The following RAD54B variants were observed in gnomAD, a reference collection of about 807,000 sequenced individuals.
The protein encoded by RAD54B is RAD54 homolog B.
Under a neutral mutation model 95.8 loss-of-function variants are expected in RAD54B, and 78 were observed. That is an observed-to-expected ratio of 0.81 (90% CI 0.68 to 0.98). RAD54B has a LOEUF of 0.98. RAD54B is among the 50% of genes least tolerant of loss of function. The pLI is 0.00. For missense variants in RAD54B, 957 were observed against 1,056.6 expected, an observed-to-expected ratio of 0.91 and a Z score of 1.31; for synonymous variants, 328 against 354.9, an observed-to-expected ratio of 0.92 and a Z score of 0.85.
At position 94,411,103 on chromosome 8, in the gene RAD54B, T is replaced by C. The variant is rs777821273; in HGVS notation, c.499+18A>G. ...TAATTTCAGGCCAAACTGTAAACATTAGGTAGTATCATAATACCTCTTCCA... is the reference window on the plus strand; with the variant it reads ...TAATTTCAGGCCAAACTGTAAACATCAGGTAGTATCATAATACCTCTTCCA... On this transcript the variant is annotated intron_variant, in intron 4 of 14. Coordinates refer to ENST00000336148, the MANE Select transcript of RAD54B (RefSeq NM_012415.3). 66 of 1,563,462 alleles carry C rather than the reference T, an allele frequency of 4.2e-5. No individual in the cohort carries two copies. The highest frequency in any genetic ancestry group is 5.5e-5 in the Non-Finnish European group (63 of 1,149,708).
intron 2 of RAD54B, among the ~76,000 whole-genome samples, chr8:94,467,203 T>C (rs558456725): frequency 8.5e-5 from 13 of 152,302 alleles, no homozygotes; most frequent in African/African-American, 3.1e-4. Context: ...GCTGGGATTA[T>C]AGGCATGAGC....
Position 94,411,240 on chromosome 8 carries a change from C to A in RAD54B, c.380G>T (p.Ser127Ile), listed in dbSNP as rs944063317. The change falls in exon 4 of 15, where the codon AGT becomes ATT. Residue 127 changes from serine (S) to isoleucine (I), a missense_variant. Coordinates refer to ENST00000336148, the MANE Select transcript of RAD54B (RefSeq NM_012415.3). ...CTTTGAAGGCTTACACCAAACAACA[C>A]TGAAATATTTAACTAGGCTATCAGA... ...EKSDSLVKYF[S>I]VVWCKPSKKK... 34 of 1,611,788 alleles carry A rather than the reference C, an allele frequency of 2.1e-5. No homozygotes were observed. The highest frequency in any genetic ancestry group is 2.8e-5 in the Non-Finnish European group (33 of 1,179,114).
At chr8:94,465,152 G>A (rs1812994195) in intron 2 of RAD54B, among the ~76,000 whole-genome samples, 1 of 152,048 alleles carries the variant, frequency 6.6e-6, no homozygotes, top group Admixed American at 6.5e-5. Flanking sequence ...AGGAAAGAAA[G>A]AAAGAAACCT....
chr8:94,390,556 AAGATTATATATATAT>A (rs1029666967), intron 10 of RAD54B, among the ~76,000 whole-genome samples: 3 of 148,306 alleles, frequency 2.0e-5, no homozygotes, highest in Admixed American at 6.8e-5. Flanking sequence ...TCTCCAGAAT[AAGATTATATATATAT>A]AGATTATATA....
chr8:94,424,496 T>C (rs193276113), intron 3 of RAD54B, among the ~76,000 whole-genome samples: 32 of 152,260 alleles, frequency 2.1e-4, no homozygotes, highest in Admixed American at 7.8e-4. Context: ...CAGCATGGAA[T>C]AGAGAGGGTG....
chr8:94,379,350 A>T (rs1168561955), intron 12 of RAD54B, among the ~76,000 whole-genome samples: 2 of 152,150 alleles, frequency 1.3e-5, no homozygotes, highest in Admixed American at 1.3e-4. Flanking sequence ...AAAATTCTGG[A>T]CACCAAGACG....
intron 9 of RAD54B, among the ~76,000 whole-genome samples, chr8:94,392,260 T>G (rs1366907192): frequency 6.6e-6 from 1 of 152,198 alleles, no homozygotes; most frequent in Non-Finnish European, 1.5e-5. Context: ...GTTTGCTTCT[T>G]TTTTGTTGTT....
chr8:94,436,715 T>C (rs1812274048), intron 3 of RAD54B: 5 of 1,550,734 alleles, frequency 3.2e-6, no homozygotes, highest in Non-Finnish European at 4.4e-6. Context: ...GCATTATAGT[T>C]AACTGCTATG....
At chr8:94,416,479 C>A (rs1250323904) in intron 3 of RAD54B, among the ~76,000 whole-genome samples, 1 of 150,496 alleles carries the variant, frequency 6.6e-6, no homozygotes, top group African/African-American at 2.5e-5. Flanking sequence ...AACTAACCTG[C>A]ACATTGTGCA....
At chr8:94,466,421 T>G (rs6981551) in intron 2 of RAD54B, among the ~76,000 whole-genome samples, 54,561 of 150,434 alleles carry the variant, frequency 0.36, 10,087 homozygotes, top group Admixed American at 0.48. Flanking sequence ...TTTTTTTTTT[T>G]GGGGGGGACG....
At chr8:94,428,163 A>C in intron 3 of RAD54B, 6 of 828,614 alleles carry the variant, frequency 7.2e-6, no homozygotes, top group Non-Finnish European at 8.7e-6. Context: ...CTAAATTACT[A>C]ATATATTGGA....
chr8:94,447,011 A>C (rs564801528), intron 3 of RAD54B, among the ~76,000 whole-genome samples: 1 of 152,062 alleles, frequency 6.6e-6, no homozygotes, highest in East Asian at 1.9e-4. Flanking sequence ...AAAATAGGGC[A>C]AAAACTAGGG....
chr8:94,466,429 A>AT (rs1813026403), intron 2 of RAD54B, among the ~76,000 whole-genome samples: 1 of 142,048 alleles, frequency 7.0e-6, no homozygotes, highest in Non-Finnish European at 1.5e-5. Context: ...TTTGGGGGGG[A>AT]CGGAGTCTTG....
At chr8:94,403,331 A>C (rs1811305579) in intron 6 of RAD54B, among the ~76,000 whole-genome samples, 1 of 152,184 alleles carries the variant, frequency 6.6e-6, no homozygotes, top group Admixed American at 6.5e-5. Context: ...GCAAAAAGGA[A>C]GAAGAAACTT....
chr8:94,456,661 CAT>C (rs1374610112), intron 3 of RAD54B, among the ~76,000 whole-genome samples: 2 of 152,076 alleles, frequency 1.3e-5, no homozygotes, highest in African/African-American at 2.4e-5. Context: ...GGGAAAATGA[CAT>C]ATGTTATTTA....
At chr8:94,378,136 AAATT>A (rs1210994495) in intron 14 of RAD54B, 40 bp downstream of exon 14, 4 of 1,359,620 alleles carry the variant, frequency 2.9e-6, no homozygotes, top group Non-Finnish European at 4.0e-6. Context: ...AACAAGAAAT[AAATT>A]AACTTTACTA....
chr8:94,467,541 T>C lies in RAD54B; in HGVS notation c.-2A>G. The C allele has an allele frequency of 1.9e-6, 3 of 1,611,652 alleles. No individual in the cohort carries two copies. Among genetic ancestry groups the C allele is most frequent in the Non-Finnish European group, 2.5e-6 (3 of 1,179,700 alleles). On this transcript the variant is annotated 5_prime_UTR_variant, in exon 2 of 15. Coordinates refer to ENST00000336148, the MANE Select transcript of RAD54B (RefSeq NM_012415.3). ...ACTTGGTGCTGCAGATCGTCTCATATTCAGCAGTCGTGACCTGAAAAATAC... is the reference window on the plus strand; with the variant it reads ...ACTTGGTGCTGCAGATCGTCTCATACTCAGCAGTCGTGACCTGAAAAATAC...
chr8:94,444,502 C>T (rs1222295981), intron 3 of RAD54B, among the ~76,000 whole-genome samples: 4 of 151,754 alleles, frequency 2.6e-5, no homozygotes, highest in South Asian at 2.1e-4. Context: ...GGTGGATCTA[C>T]GTGTTCTAAA....
At chr8:94,441,041 T>C (rs115358929) in intron 3 of RAD54B, among the ~76,000 whole-genome samples, 2 of 152,200 alleles carry the variant, frequency 1.3e-5, no homozygotes, top group Non-Finnish European at 1.5e-5. Context: ...CCAGGCATTG[T>C]ATGGAAGAAC....
Sources: gnomAD v4.1 joint callset for allele counts (sites outside exome capture counted in the v4.1 genomes callset) on GRCh38, gnomAD v4.1.1 for gene constraint, MANE v1.5 for transcripts, NCBI Gene and HGNC (gene_info 2026-07-23, HGNC 2026-07-21) for gene names.